RFXANK: variants seen among roughly 807,000 people sequenced by gnomAD.
The protein encoded by RFXANK is regulatory factor X associated ankyrin containing protein.
A neutral mutation model predicts 34.5 loss-of-function variants in RFXANK; 19 were observed. The ratio of observed to expected loss-of-function variants is 0.55; its 90% confidence interval spans 0.38 to 0.81. The LOEUF (loss-of-function observed/expected upper bound fraction) is 0.81. RFXANK is among the 30% of genes least tolerant of loss of function. The probability of loss-of-function intolerance (pLI) is 0.00; values close to 1 mark genes in which losing one functional copy is unlikely to be tolerated. For missense variants in RFXANK, 295 were observed against 343.5 expected (o/e 0.86, Z 1.12); for synonymous variants, 154 against 149.8 (o/e 1.03, Z -0.20).
intron 9 of RFXANK, among the ~76,000 whole-genome samples, chr19:19,200,655 G>C (rs781595646): frequency 6.6e-6 from 1 of 151,618 alleles, no homozygotes; most frequent in Non-Finnish European, 1.5e-5. Context: ...ACAGAGTCTC[G>C]CTCTGTCACC....
chr19:19,201,299 A>C (rs952455201), intron 9 of RFXANK: 8 of 650,526 alleles, frequency 1.2e-5, no homozygotes, highest in Non-Finnish European at 2.1e-5. Context: ...GCTGGCCTCA[A>C]ATTCCTGAGC....
intron 9 of RFXANK, among the ~76,000 whole-genome samples, chr19:19,200,522 G>A (rs901605307): frequency 2.6e-5 from 4 of 151,068 alleles, no homozygotes; most frequent in Non-Finnish European, 4.4e-5. Flanking sequence ...ATGTTGCCCA[G>A]GCTGGTCTCA....
chr19:19,193,412 CTTTTTTTTTTTT>C (rs71338310), intron 2 of RFXANK, among the ~76,000 whole-genome samples: 15 of 94,834 alleles, frequency 1.6e-4, no homozygotes, highest in African/African-American at 5.7e-4. Flanking sequence ...TTTTTCCTTT[CTTTTTTTTTTTT>C]TTTTTTTTTT....
chr19:19,196,883 A>C, intron 3 of RFXANK, 80 bp from the exon 4 acceptor site: 1 of 1,362,912 alleles, frequency 7.3e-7, no homozygotes, highest in Non-Finnish European at 1.0e-6. Context: ...ACAGCAACAA[A>C]AAAAAACAGA....
At chr19:19,196,735 G>A (rs2060605472) in intron 3 of RFXANK, among the ~76,000 whole-genome samples, 1 of 152,040 alleles carries the variant, frequency 6.6e-6, no homozygotes, top group East Asian at 1.9e-4. Context: ...TGTGGTGGTG[G>A]GCGCCTATGA....
chr19:19,198,626 C>T, intron 7 of RFXANK, 31 bp from the exon 8 acceptor site: 1 of 1,610,916 alleles, frequency 6.2e-7, no homozygotes, highest in Non-Finnish European at 8.5e-7. Context: ...AGAGGTAAAC[C>T]TTTGGTTTCT....
At chr19:19,194,718 C>T (rs1331592509) in intron 3 of RFXANK, among the ~76,000 whole-genome samples, 1 of 148,448 alleles carries the variant, frequency 6.7e-6, no homozygotes, top group Non-Finnish European at 1.5e-5. Context: ...GGAGGCTGGT[C>T]TCCACCTCCT....
chr19:19,197,330 G>A (rs2060618033), intron 5 of RFXANK, 79 bp downstream of exon 5: 3 of 1,447,596 alleles, frequency 2.1e-6, no homozygotes, highest in East Asian at 2.3e-5. Context: ...CACTCATGAC[G>A]TGACCTGTGA....
chr19:19,201,561 C>G (rs535238184), intron 9 of RFXANK, 88 bp from the exon 10 acceptor site: 13 of 1,608,596 alleles, frequency 8.1e-6, no homozygotes, highest in Non-Finnish European at 1.0e-5. Context: ...CCCTGTTTGT[C>G]CCCTAAGGGG....
At chr19:19,194,353 C>CT (rs2060558720) in intron 3 of RFXANK, among the ~76,000 whole-genome samples, 1 of 152,216 alleles carries the variant, frequency 6.6e-6, no homozygotes, top group South Asian at 2.1e-4. Flanking sequence ...CTGTCTCAGC[C>CT]TCCTGAGTAG....
rs368281475 is a variant in RFXANK, at chr19:19,198,145, C to A, written c.477C>A (p.Ser159Arg). ...DPHILAKERE[S>R]ALSLASTGGY... ...ACATCCTGGCAAAAGAGCGAGAGAG[C>A]GCCCTGTCGCTGGCCAGCACAGGCG... The change falls in exon 7 of 10, where the codon AGC becomes AGA. Residue 159 changes from serine to arginine, a missense_variant. Physicochemically the swap from Ser to Arg is moderately radical, Grantham distance 110. Transcript: ENST00000303088. The A allele has an allele frequency of 6.2e-7, 1 of 1,614,120 alleles. No homozygotes were observed. Among genetic ancestry groups the A allele is most frequent in the Non-Finnish European group, 8.5e-7 (1 of 1,180,004 alleles).
At position 19,198,115 on chromosome 19, in the gene RFXANK, C is replaced by A. The variant is rs1483730599; in HGVS notation, c.447C>A (p.Asp149Glu). 6.2e-7 allele frequency: 1 copy of A among 1,613,976 alleles called. No homozygotes were observed. The highest frequency in any genetic ancestry group is 1.3e-5 in the African/African-American group (1 of 74,918). Residue 149 changes from aspartate (D) to glutamate (E), a missense_variant, in exon 7 of 10, where the codon GAC (aspartate) becomes GAA (glutamate). Transcript: ENST00000303088. ...TVRFLLEWGA[D>E]PHILAKERES... ...CCTTCTTCTCCCTGCAGGGTGCCGA[C>A]CCCCACATCCTGGCAAAAGAGCGAG...
At chr19:19,198,591 G>A (rs1766547144) in intron 7 of RFXANK, 66 bp from the exon 8 acceptor site, 11 of 1,570,566 alleles carry the variant, frequency 7.0e-6, no homozygotes, top group Non-Finnish European at 9.6e-6. Context: ...AGGCCAGAGA[G>A]TACAAGGCAT....
chr19:19,199,437 A>G (rs1386698227), intron 9 of RFXANK, among the ~76,000 whole-genome samples: 2 of 152,032 alleles, frequency 1.3e-5, no homozygotes, highest in Admixed American at 1.3e-4. Flanking sequence ...AGGGAGGACA[A>G]TGGGTGTCAG....
At chr19:19,194,913 G>A (rs369588535) in intron 3 of RFXANK, among the ~76,000 whole-genome samples, 135 of 152,182 alleles carry the variant, frequency 8.9e-4, no homozygotes, top group African/African-American at 3.1e-3. Flanking sequence ...TTTGATTGGA[G>A]TCCAAGAATA....
At chr19:19,197,974 T>C in intron 6 of RFXANK, 133 bp from the exon 7 acceptor site, 2 of 1,245,388 alleles carry the variant, frequency 1.6e-6, no homozygotes, top group Non-Finnish European at 2.3e-6. Flanking sequence ...ATTGCGCCAC[T>C]GCACTCCAGC....
At chr19:19,195,643 T>C (rs1040396340) in intron 3 of RFXANK, among the ~76,000 whole-genome samples, 4 of 150,920 alleles carry the variant, frequency 2.7e-5, no homozygotes, top group African/African-American at 9.8e-5. Flanking sequence ...ATCTCGGTGG[T>C]GTCACCTTGG....
intron 3 of RFXANK, 80 bp downstream of exon 3, chr19:19,194,213 G>A: frequency 2.0e-6 from 3 of 1,468,156 alleles, no homozygotes; most frequent in Admixed American, 1.7e-5. Flanking sequence ...CCTGTGTCTT[G>A]CTTTCGTTTT....
intron 7 of RFXANK, 130 bp downstream of exon 7, chr19:19,198,362 C>A: frequency 7.2e-7 from 1 of 1,398,506 alleles, no homozygotes; most frequent in Non-Finnish European, 9.9e-7. Context: ...CCATTCCCAG[C>A]CTCACAGAGC....
Sources: allele counts gnomAD v4.1 joint callset (sites outside exome capture counted in the v4.1 genomes callset), GRCh38; gene constraint gnomAD v4.1.1; transcripts MANE v1.5; gene names NCBI Gene and HGNC (gene_info 2026-07-23, HGNC 2026-07-21).